LRRTM4: variants seen among roughly 807,000 people sequenced by gnomAD.
LRRTM4 encodes the protein leucine-rich repeat transmembrane neuronal protein 4.
In LRRTM4, 25 loss-of-function variants were observed where a neutral mutation model predicts 47.6. The ratio of observed to expected loss-of-function variants is 0.53; its 90% confidence interval spans 0.38 to 0.73. The LOEUF (loss-of-function observed/expected upper bound fraction) is 0.73. Among genes scored for constraint, LRRTM4 ranks in the 30% least tolerant of loss-of-function variants. LRRTM4 has a pLI of 0.00. For synonymous variants in LRRTM4, 311 were observed against 269.5 expected (o/e 1.15, Z -1.51); for missense variants, 638 against 713.4 (o/e 0.89, Z 1.20).
intron 3 of LRRTM4, among the ~76,000 whole-genome samples, chr2:77,079,555 T>C (rs56120121): frequency 0.4 from 61,512 of 151,992 alleles, 14,450 homozygotes; most frequent in East Asian, 0.68. Flanking sequence ...CTATTGCTAG[T>C]GTTAGTGTAT....
At chr2:77,040,997 A>G (rs545052425) in intron 3 of LRRTM4, among the ~76,000 whole-genome samples, 2 of 151,468 alleles carry the variant, frequency 1.3e-5, no homozygotes, top group South Asian at 4.2e-4. Context: ...TAGTCATCCT[A>G]TTGTGCACAG....
chr2:76,791,879 C>A (rs1674994487), intron 3 of LRRTM4, among the ~76,000 whole-genome samples: 1 of 152,062 alleles, frequency 6.6e-6, no homozygotes, highest in Non-Finnish European at 1.5e-5. Flanking sequence ...CTTTCAAACC[C>A]CAGAGAATTT....
chr2:77,371,230 T>C (rs1441713367), intron 3 of LRRTM4, among the ~76,000 whole-genome samples: 2 of 151,762 alleles, frequency 1.3e-5, no homozygotes, highest in East Asian at 3.9e-4. Flanking sequence ...GAAAGTAAAA[T>C]TCTAAAATTG....
chr2:76,984,312 G>C lies in LRRTM4; in HGVS notation c.1552-235396C>G, dbSNP rs1490212676. Among the ~76,000 whole-genome samples the C allele has an allele frequency of 2.0e-5, 3 of 151,966 alleles. No individual in the cohort carries two copies. The East Asian group carries it at 5.8e-4, about 30-fold the overall frequency. On this transcript the variant is annotated intron_variant, in intron 3 of 3. Transcript: ENST00000409884. ...TAATTGAAATTTGTCCTCAAATTTA[G>C]AAATGTTTCAATATTTTTTAAATGT... is the stretch of plus-strand genomic sequence containing the variant.
At chr2:76,829,287 C>A (rs1671269279) in intron 3 of LRRTM4, among the ~76,000 whole-genome samples, 1 of 151,852 alleles carries the variant, frequency 6.6e-6, no homozygotes. Context: ...GTGTATAAGG[C>A]TCCTCGAGTG....
At chr2:77,090,724 T>C (rs922814876) in intron 3 of LRRTM4, among the ~76,000 whole-genome samples, 9 of 152,096 alleles carry the variant, frequency 5.9e-5, no homozygotes, top group Non-Finnish European at 8.8e-5. Flanking sequence ...CATGTCCCAT[T>C]TGTGCCAGAC....
At chr2:77,213,806 G>A (rs1674361729) in intron 3 of LRRTM4, among the ~76,000 whole-genome samples, 1 of 152,068 alleles carries the variant, frequency 6.6e-6, no homozygotes, top group South Asian at 2.1e-4. Flanking sequence ...TTGGGACGGT[G>A]TAATTGATCC....
chr2:76,872,819 G>C (rs1166322374), intron 3 of LRRTM4, among the ~76,000 whole-genome samples: 1 of 152,026 alleles, frequency 6.6e-6, no homozygotes, highest in Non-Finnish European at 1.5e-5. Context: ...GTAATAATGA[G>C]TTATTGCTCT....
At chr2:77,107,966 T>C (rs1174388746) in intron 3 of LRRTM4, among the ~76,000 whole-genome samples, 1 of 151,996 alleles carries the variant, frequency 6.6e-6, no homozygotes, top group Non-Finnish European at 1.5e-5. Flanking sequence ...ATATTAGATA[T>C]GATGAAGTTT....
intron 3 of LRRTM4, among the ~76,000 whole-genome samples, chr2:77,436,881 A>C (rs985389475): frequency 6.6e-6 from 1 of 151,970 alleles, no homozygotes; most frequent in Non-Finnish European, 1.5e-5. Flanking sequence ...AGATAGATTT[A>C]ATATAACCCA....
At chr2:77,087,991 A>C (rs1680781548) in intron 3 of LRRTM4, among the ~76,000 whole-genome samples, 1 of 152,204 alleles carries the variant, frequency 6.6e-6, no homozygotes, top group African/African-American at 2.4e-5. Flanking sequence ...AGAGATGCAC[A>C]GGTGAATGAA....
intron 3 of LRRTM4, among the ~76,000 whole-genome samples, chr2:76,856,395 G>A (rs1046193352): frequency 6.6e-6 from 1 of 152,136 alleles, no homozygotes; most frequent in African/African-American, 2.4e-5. Flanking sequence ...TATGGTTGAA[G>A]TGCCTGTTAA....
intron 3 of LRRTM4, among the ~76,000 whole-genome samples, chr2:76,974,211 C>CATATATATATACATACATATATATAT (rs1440382318): frequency 2.5e-5 from 3 of 118,234 alleles, no homozygotes; most frequent in African/African-American, 1.1e-4. Flanking sequence ...TATATATATA[C>CATATATATATACATACATATATATAT]ACATATATAT....
intron 3 of LRRTM4, among the ~76,000 whole-genome samples, chr2:77,472,299 G>A (rs1173030163): frequency 6.6e-6 from 1 of 152,036 alleles, no homozygotes; most frequent in African/African-American, 2.4e-5. Flanking sequence ...TAAGTTCAAA[G>A]TTAGTGAATC....
At chr2:77,094,285 CAT>C (rs747388986) in intron 3 of LRRTM4, among the ~76,000 whole-genome samples, 7 of 151,992 alleles carry the variant, frequency 4.6e-5, no homozygotes, top group Non-Finnish European at 1.0e-4. Flanking sequence ...TTAAAGAAGA[CAT>C]AAATAAATGG....
chr2:76,785,116 C>T (rs536555938), intron 3 of LRRTM4, among the ~76,000 whole-genome samples: 3 of 151,928 alleles, frequency 2.0e-5, no homozygotes, highest in Admixed American at 6.6e-5. Flanking sequence ...CTTGCTACAC[C>T]GATCTTGAAG....
At chr2:77,072,823 A>AAT in intron 3 of LRRTM4, among the ~76,000 whole-genome samples, 1 of 150,752 alleles carries the variant, frequency 6.6e-6, no homozygotes, top group Non-Finnish European at 1.5e-5. Context: ...AAAAAAAAAA[A>AAT]CAAAGGCTGC....
intron 3 of LRRTM4, among the ~76,000 whole-genome samples, chr2:77,092,102 A>T (rs560193566): frequency 4.4e-4 from 67 of 152,258 alleles, no homozygotes; most frequent in Non-Finnish European, 7.4e-4. Context: ...TACAGTTCTC[A>T]TAACTTCCAA....
At chr2:77,432,121 A>G (rs1675402240) in intron 3 of LRRTM4, among the ~76,000 whole-genome samples, 1 of 152,160 alleles carries the variant, frequency 6.6e-6, no homozygotes, top group South Asian at 2.1e-4. Context: ...AAGTAAGTTC[A>G]AAACCCAAAC....
Sources: allele counts gnomAD v4.1 joint callset (sites outside exome capture counted in the v4.1 genomes callset), GRCh38; gene constraint gnomAD v4.1.1; transcripts MANE v1.5; gene names NCBI Gene and HGNC (gene_info 2026-07-23, HGNC 2026-07-21).